KIRREL3: variants seen among roughly 807,000 people sequenced by gnomAD.
The protein encoded by KIRREL3 is kirre like nephrin family adhesion molecule 3, also known as kin of IRRE-like protein 3.
A neutral mutation model predicts 89.7 loss-of-function variants in KIRREL3; 36 were observed. The ratio of observed to expected loss-of-function variants is 0.40; its 90% confidence interval spans 0.31 to 0.53. The LOEUF is 0.53. KIRREL3 is among the 20% of genes least tolerant of loss of function. The probability of loss-of-function intolerance (pLI) is 0.49; values close to 1 mark genes in which losing one functional copy is unlikely to be tolerated. For missense variants in KIRREL3, 864 were observed against 1,056.6 expected, an observed-to-expected ratio of 0.82 and a Z score of 2.53; for synonymous variants, 445 against 441.4, an observed-to-expected ratio of 1.01 and a Z score of -0.10.
In KIRREL3 at chr11:126,783,730, C is replaced by T. The variant is rs1950397389; in HGVS notation, c.55+216725G>A. 6.6e-6 allele frequency among the ~76,000 whole-genome samples: 1 copy of T among 152,210 alleles called. No individual in the cohort carries two copies. Among genetic ancestry groups the T allele is most frequent in the Non-Finnish European group, 1.5e-5 (1 of 68,040 alleles). ...GAATTCCAAATAATTCACGTAGATGCCTTGCCCTCAAAGAAGTAGAGTATA... is the reference window on the plus strand; with the variant it reads ...GAATTCCAAATAATTCACGTAGATGTCTTGCCCTCAAAGAAGTAGAGTATA... On this transcript the variant is annotated intron_variant, in intron 1 of 16. Coordinates refer to ENST00000525144, the MANE Select transcript of KIRREL3 (RefSeq NM_032531.4). This position sits in a 1 kb window ranked among gnomAD's most constrained non-coding sequence, Gnocchi z 4.3.
rs1293030455 is a variant in KIRREL3, at chr11:126,708,277, A to T, written c.56-145365T>A. ...GCAAAATGAGGATGTGAAGTCGAGC[A>T]TCTGAGAAGGCTCAGAAAGTCTGAA... On this transcript the variant is annotated intron_variant, in intron 1 of 16. Transcript: ENST00000525144. This position sits in a 1 kb window ranked among gnomAD's most constrained non-coding sequence, Gnocchi z 5.7. Among the ~76,000 whole-genome samples the T allele has an allele frequency of 6.6e-6, 1 of 152,214 alleles. No homozygotes were observed. Among genetic ancestry groups the T allele is most frequent in the African/African-American group, 2.4e-5 (1 of 41,460 alleles).
intron 6 of KIRREL3, among the ~76,000 whole-genome samples, chr11:126,461,220 G>C (rs573915823): frequency 6.6e-6 from 1 of 152,372 alleles, no homozygotes; most frequent in East Asian, 1.9e-4. Context: ...GCATGGCTTT[G>C]CGGCATCTCA....
At chr11:126,453,354 T>G (rs1449122317) in intron 7 of KIRREL3, among the ~76,000 whole-genome samples, 1 of 152,122 alleles carries the variant, frequency 6.6e-6, no homozygotes, top group East Asian at 1.9e-4. Context: ...TAGGAGCATC[T>G]GCAGTGACAT....
rs1565440669 is a variant in KIRREL3 at position 126,427,470 on chromosome 11, T to C, written c.1806+1709A>G. On this transcript the variant is annotated intron_variant, in intron 15 of 16. Transcript: ENST00000525144. The surrounding 1 kb of genome is among the most constrained non-coding windows in gnomAD (Gnocchi z 5.3). ...AGGACAAGCCCGGAACATCTTGGAG[T>C]TGATTGTTATGGGAGAATGTGAGAT... Among the ~76,000 whole-genome samples the C allele has an allele frequency of 6.6e-6, 1 of 151,948 alleles. No individual in the cohort carries two copies. Among genetic ancestry groups the C allele is most frequent in the Admixed American group, 6.5e-5 (1 of 15,268 alleles).
chr11:126,514,118 AG>A (rs921707182), intron 4 of KIRREL3, among the ~76,000 whole-genome samples: 8 of 152,062 alleles, frequency 5.3e-5, no homozygotes, highest in Non-Finnish European at 8.8e-5. Flanking sequence ...AGCTGGTGGC[AG>A]GGGTGGGGTG....
chr11:126,964,346 G>A (rs1339845093), intron 1 of KIRREL3, among the ~76,000 whole-genome samples: 1 of 152,136 alleles, frequency 6.6e-6, no homozygotes, highest in African/African-American at 2.4e-5. Context: ...GACACAGGCT[G>A]GGTGGCATGT....
At chr11:126,810,553 AC>A in intron 1 of KIRREL3, among the ~76,000 whole-genome samples, 1 of 152,192 alleles carries the variant, frequency 6.6e-6, no homozygotes, top group Non-Finnish European at 1.5e-5. Flanking sequence ...GCTTGCAAAC[AC>A]CCCGTAAATG....
At position 126,704,888 on chromosome 11, in the gene KIRREL3, C is replaced by T. The variant is rs1439858123; in HGVS notation, c.56-141976G>A. 6.6e-6 allele frequency among the ~76,000 whole-genome samples: 1 copy of T among 152,206 alleles called. No homozygotes were observed. Among genetic ancestry groups the T allele is most frequent in the Non-Finnish European group, 1.5e-5 (1 of 68,040 alleles). ...GGGAAGCAGTATTCTCCTCCTGCGA[C>T]CATGCCATGGGATGAAAGCCTCTGC... On this transcript the variant is annotated intron_variant, in intron 1 of 16. Coordinates refer to ENST00000525144, the MANE Select transcript of KIRREL3 (RefSeq NM_032531.4). This position sits in a 1 kb window ranked among gnomAD's most constrained non-coding sequence, Gnocchi z 4.2.
chr11:126,585,155 G>A (rs1014351941), intron 1 of KIRREL3, among the ~76,000 whole-genome samples: 4 of 149,820 alleles, frequency 2.7e-5, no homozygotes, highest in Non-Finnish European at 4.4e-5. Context: ...TCCTGACCTC[G>A]CGATCCGTCA....
chr11:126,658,380 T>A (rs1381871877), intron 1 of KIRREL3, among the ~76,000 whole-genome samples: 1 of 152,198 alleles, frequency 6.6e-6, no homozygotes, highest in Non-Finnish European at 1.5e-5. Context: ...ATGCAGTGAC[T>A]AAAAACTTTC....
intron 1 of KIRREL3, among the ~76,000 whole-genome samples, chr11:126,887,408 C>T (rs992491255): frequency 1.3e-5 from 2 of 152,168 alleles, no homozygotes; most frequent in Admixed American, 1.3e-4. Flanking sequence ...TCATGGTCAG[C>T]GTGCTTTCCA....
At chr11:126,881,430 G>A (rs773154350) in intron 1 of KIRREL3, among the ~76,000 whole-genome samples, 1 of 152,104 alleles carries the variant, frequency 6.6e-6, no homozygotes, top group Non-Finnish European at 1.5e-5. Context: ...ATCAGTCAGC[G>A]TCAAGCCCTG....
chr11:126,742,550 A>G lies in KIRREL3; in HGVS notation c.56-179638T>C, dbSNP rs567714540. 4.6e-5 allele frequency among the ~76,000 whole-genome samples: 7 copies of G among 152,326 alleles called. No homozygotes were observed. In the South Asian group the frequency reaches 1.5e-3, roughly 32 times the overall value. On this transcript the variant is annotated intron_variant, in intron 1 of 16. Coordinates refer to ENST00000525144, the MANE Select transcript of KIRREL3 (RefSeq NM_032531.4). The surrounding 1 kb of genome is among the most constrained non-coding windows in gnomAD (Gnocchi z 5.3). ...ACTGGAAAGAACAAGAGATTTTCCC[A>G]TAAAGCTCCCCTCACCATGGGCATG...
At chr11:126,586,096 T>A (rs1941838068) in intron 1 of KIRREL3, among the ~76,000 whole-genome samples, 2 of 152,032 alleles carry the variant, frequency 1.3e-5, no homozygotes, top group Non-Finnish European at 2.9e-5. Context: ...AGCCACAGGA[T>A]CCCTCCCCGG....
intron 1 of KIRREL3, among the ~76,000 whole-genome samples, chr11:126,856,273 A>G (rs1472196766): frequency 6.6e-6 from 1 of 152,128 alleles, no homozygotes; most frequent in Non-Finnish European, 1.5e-5. Flanking sequence ...CAAAGATAAC[A>G]ATCTGTCTAC....
chr11:126,557,594 G>A lies in KIRREL3; in HGVS notation c.133+5241C>T, dbSNP rs948406389. Among the ~76,000 whole-genome samples the A allele has an allele frequency of 7.9e-5, 12 of 152,140 alleles. No individual in the cohort carries two copies. Among genetic ancestry groups the A allele is most frequent in the African/African-American group, 2.7e-4 (11 of 41,418 alleles). On this transcript the variant is annotated intron_variant, in intron 2 of 16. Transcript: ENST00000525144. This position sits in a 1 kb window ranked among gnomAD's most constrained non-coding sequence, Gnocchi z 5.6. ...CTCCCACTACACATCCCAGCTGTGGGGCACCTCTCTTTCTATACGAGGAAA... is the reference window on the plus strand; with the variant it reads ...CTCCCACTACACATCCCAGCTGTGGAGCACCTCTCTTTCTATACGAGGAAA...
chr11:126,784,965 C>T (rs893378413), intron 1 of KIRREL3, among the ~76,000 whole-genome samples: 1 of 152,166 alleles, frequency 6.6e-6, no homozygotes, highest in Non-Finnish European at 1.5e-5. Context: ...CTTCCAAGCC[C>T]GGAGAGTTAC....
chr11:126,899,010 G>GGT lies in KIRREL3; in HGVS notation c.55+101444_55+101445insAC, dbSNP rs976122115. Among the ~76,000 whole-genome samples, 163 of 24,314 alleles carry GGT rather than the reference G, an allele frequency of 6.7e-3. No homozygotes were observed. In the African/African-American group the frequency reaches 0.12, roughly 17 times the overall value. 16.0% of individuals were successfully genotyped at this position (24,314 alleles called of 152,430 possible). On this transcript the variant is annotated intron_variant, in intron 1 of 16. Transcript: ENST00000525144. ...AGACTTAAAAGCCGCAGGGGAGTTT[G>GGT]GGGGGGGTCTCTCGCATTCCTGAGG...
At chr11:126,695,078 C>G (rs548600195) in intron 1 of KIRREL3, among the ~76,000 whole-genome samples, 3 of 152,320 alleles carry the variant, frequency 2.0e-5, no homozygotes, top group Non-Finnish European at 4.4e-5. Context: ...TGCGAGCCAT[C>G]TATGACAGCT....
Sources: allele counts gnomAD v4.1 joint callset (sites outside exome capture counted in the v4.1 genomes callset), GRCh38; gene constraint gnomAD v4.1.1; non-coding constraint Gnocchi (gnomAD v3.1); transcripts MANE v1.5; gene names NCBI Gene and HGNC (gene_info 2026-07-23, HGNC 2026-07-21).